The following LRRTM4 variants were observed in gnomAD, a reference collection of about 807,000 sequenced individuals.
LRRTM4 encodes the protein leucine-rich repeat transmembrane neuronal protein 4.
Under a neutral mutation model 47.6 loss-of-function variants are expected in LRRTM4, and 25 were observed. That is an observed-to-expected ratio of 0.53 (90% CI 0.38 to 0.73). The LOEUF is 0.73. Among genes scored for constraint, LRRTM4 ranks in the 30% least tolerant of loss-of-function variants. The pLI is 0.00. For missense variants in LRRTM4, 638 were observed against 713.4 expected, an observed-to-expected ratio of 0.89 and a Z score of 1.20; for synonymous variants, 311 against 269.5, an observed-to-expected ratio of 1.15 and a Z score of -1.51.
chr2:76,762,192 TTACAGAC>T (rs1673283435), intron 3 of LRRTM4, among the ~76,000 whole-genome samples: 1 of 152,144 alleles, frequency 6.6e-6, no homozygotes, highest in African/African-American at 2.4e-5. Flanking sequence ...AGCATTACCT[TTACAGAC>T]TACCTCCATT....
At chr2:77,200,139 CCTATTTCTTTTA>C (rs1202355841) in intron 3 of LRRTM4, among the ~76,000 whole-genome samples, 1 of 151,904 alleles carries the variant, frequency 6.6e-6, no homozygotes, top group Non-Finnish European at 1.5e-5. Flanking sequence ...CCATGGAACC[CCTATTTCTTTTA>C]TTAGGCATCT....
intron 3 of LRRTM4, among the ~76,000 whole-genome samples, chr2:76,851,366 G>T (rs1474773019): frequency 1.3e-5 from 2 of 152,158 alleles, no homozygotes; most frequent in Non-Finnish European, 2.9e-5. Flanking sequence ...TGTAGCTAAT[G>T]TACTGAAATA....
intron 3 of LRRTM4, among the ~76,000 whole-genome samples, chr2:77,287,481 T>TA (rs112819500): frequency 0.12 from 18,071 of 151,890 alleles, 2,187 homozygotes; most frequent in African/African-American, 0.3. Flanking sequence ...TTTACCCATG[T>TA]TTTTTTCCCC....
intron 3 of LRRTM4, among the ~76,000 whole-genome samples, chr2:76,833,588 T>A (rs375589689): frequency 8.0e-6 from 1 of 124,596 alleles, no homozygotes; most frequent in Non-Finnish European, 1.7e-5. Flanking sequence ...TCATAATATA[T>A]TACCAGTAAA....
chr2:77,002,947 A>G (rs1677486573), intron 3 of LRRTM4, among the ~76,000 whole-genome samples: 1 of 152,110 alleles, frequency 6.6e-6, no homozygotes, highest in Non-Finnish European at 1.5e-5. Context: ...TTTCTGGACC[A>G]CACCAATCAT....
chr2:77,275,561 A>G (rs1558664194), intron 3 of LRRTM4, among the ~76,000 whole-genome samples: 1 of 152,160 alleles, frequency 6.6e-6, no homozygotes, highest in Non-Finnish European at 1.5e-5. Flanking sequence ...TTCAAGAAAC[A>G]TAATTATATA....
chr2:77,043,760 A>G (rs1679117589), intron 3 of LRRTM4, among the ~76,000 whole-genome samples: 1 of 151,818 alleles, frequency 6.6e-6, no homozygotes, highest in Non-Finnish European at 1.5e-5. Context: ...CCTCTTGCAA[A>G]TATCCTTCAT....
intron 3 of LRRTM4, among the ~76,000 whole-genome samples, chr2:77,396,187 G>A (rs383477): frequency 6.6e-6 from 1 of 151,776 alleles, no homozygotes; most frequent in South Asian, 2.1e-4. Flanking sequence ...AGACTGATTA[G>A]CATATAACAA....
chr2:76,872,289 T>C (rs1264660030), intron 3 of LRRTM4, among the ~76,000 whole-genome samples: 2 of 151,992 alleles, frequency 1.3e-5, no homozygotes, highest in Admixed American at 6.6e-5. Flanking sequence ...AATAAAACAA[T>C]ATTGCAACAT....
rs557585068 is a variant in LRRTM4, at chr2:76,840,884, A to G, written c.1552-91968T>C. The stretch of plus-strand genomic sequence containing the variant: ...CAGTGTGGCGATTCCTCAGGGATCT[A>G]GAACTAGAAATACCATTTGACCCAG... On this transcript the variant is annotated intron_variant, in intron 3 of 3. Transcript: ENST00000409884. Among the ~76,000 whole-genome samples, 24 of 152,146 alleles carry G rather than the reference A, an allele frequency of 1.6e-4. No homozygotes were observed. The East Asian group carries it at 4.7e-3, about 30-fold the overall frequency.
intron 3 of LRRTM4, among the ~76,000 whole-genome samples, chr2:77,148,347 G>A (rs1385651489): frequency 1.3e-5 from 2 of 152,148 alleles, no homozygotes; most frequent in African/African-American, 4.8e-5. Context: ...ACTGGTATGA[G>A]AACTCAATTG....
At chr2:76,926,851 G>T (rs1231443097) in intron 3 of LRRTM4, among the ~76,000 whole-genome samples, 1 of 152,068 alleles carries the variant, frequency 6.6e-6, no homozygotes, top group Non-Finnish European at 1.5e-5. Context: ...AACTAAGACT[G>T]TCTGCATGTA....
intron 3 of LRRTM4, among the ~76,000 whole-genome samples, chr2:77,359,157 C>A (rs72915966): frequency 6.6e-6 from 1 of 152,092 alleles, no homozygotes; most frequent in African/African-American, 2.4e-5. Flanking sequence ...GATTTTCACA[C>A]CTAACATCAG....
At chr2:76,902,373 A>G (rs899608099) in intron 3 of LRRTM4, among the ~76,000 whole-genome samples, 5 of 152,152 alleles carry the variant, frequency 3.3e-5, no homozygotes, top group African/African-American at 1.2e-4. Context: ...GCCAGCCCCT[A>G]TCCAATTATA....
Position 77,225,434 on chromosome 2 carries a change from A to T in LRRTM4, c.1551+292884T>A, listed in dbSNP as rs537875415. Among the ~76,000 whole-genome samples the T allele has an allele frequency of 1.4e-4, 21 of 152,086 alleles. No individual in the cohort carries two copies. In the South Asian group the frequency reaches 4.1e-3, roughly 30 times the overall value. ...AACACAAAATTGTGAGAAAAAAAAA[A>T]AACAGCTGATGTTGGTAAAGTGCTT... On this transcript the variant is annotated intron_variant, in intron 3 of 3. Transcript: ENST00000409884.
intron 3 of LRRTM4, among the ~76,000 whole-genome samples, chr2:77,019,228 G>A (rs912154166): frequency 2.4e-5 from 3 of 126,870 alleles, no homozygotes; most frequent in African/African-American, 3.2e-5. Context: ...ACATACTATT[G>A]GATACTAAGC....
Position 77,518,587 on chromosome 2 carries a change from C to T in LRRTM4, c.1282G>A (p.Gly428Arg). 3 of 1,613,396 alleles carry T rather than the reference C, an allele frequency of 1.9e-6. No individual in the cohort carries two copies. Among genetic ancestry groups the T allele is most frequent in the Non-Finnish European group, 2.5e-6 (3 of 1,179,636 alleles). ...ACTGAGAGAAAGAGAGCCACACTCC[C>T]GGCAATAATTTTGTGAAATGAAACA... Reference protein sequence around the residue: ...EHVSFHKIIAGSVALFLSVAM... With the variant: ...EHVSFHKIIARSVALFLSVAM... Residue 428 changes from glycine (G) to arginine (R), a missense_variant, in exon 3 of 4, where the codon GGG (glycine) becomes AGG (arginine). Gly to Arg is a moderately radical substitution (Grantham distance 125). Transcript: ENST00000409884.
chr2:77,274,445 G>A (rs1480682566), intron 3 of LRRTM4, among the ~76,000 whole-genome samples: 1 of 152,080 alleles, frequency 6.6e-6, no homozygotes. Flanking sequence ...TCTCTTATGG[G>A]AAGAATTTTT....
intron 3 of LRRTM4, among the ~76,000 whole-genome samples, chr2:76,896,328 G>A (rs956376131): frequency 1.3e-5 from 2 of 151,812 alleles, no homozygotes; most frequent in Admixed American, 1.3e-4. Context: ...TGTGCAATCA[G>A]GGCCAAAAAG....
Sources: gnomAD v4.1 joint callset for allele counts (sites outside exome capture counted in the v4.1 genomes callset) on GRCh38, gnomAD v4.1.1 for gene constraint, MANE v1.5 for transcripts, NCBI Gene and HGNC (gene_info 2026-07-23, HGNC 2026-07-21) for gene names.